KIF20B: variants seen among roughly 807,000 people sequenced by gnomAD.
KIF20B encodes the protein kinesin family member 20B.
Under a neutral mutation model 232.5 loss-of-function variants are expected in KIF20B, and 188 were observed. The observed-to-expected ratio is 0.81, with a 90% confidence interval of 0.72 to 0.91. The LOEUF (loss-of-function observed/expected upper bound fraction) is 0.91. KIF20B is among the 40% of genes least tolerant of loss of function. The probability of loss-of-function intolerance (pLI) is 0.00; values close to 1 mark genes in which losing one functional copy is unlikely to be tolerated. For synonymous variants in KIF20B, 712 were observed against 683.0 expected, an observed-to-expected ratio of 1.04 and a Z score of -0.66; for missense variants, 2,154 against 2,055.9, an observed-to-expected ratio of 1.05 and a Z score of -0.92.
chr10:89,709,347 C>T lies in KIF20B; in HGVS notation c.237C>T (p.Gly79=), dbSNP rs1466877139. Residue 79 remains glycine (G), a splice_region_variant and synonymous_variant, in exon 4 of 33, where the codon GGC becomes GGT. Coordinates refer to ENST00000371728, the MANE Select transcript of KIF20B (RefSeq NM_001284259.2). ...TTTATTGGGGGTATGTTTTCTAGGG[C>T]TGTGTGCATATTCTGGATTCACAGA... The part of the protein sequence containing the change: ...TQSEKELESE[G]CVHILDSQTV... The T allele has an allele frequency of 1.2e-6, 2 of 1,610,800 alleles. No homozygotes were observed. The highest frequency in any genetic ancestry group is 3.3e-5 in the Admixed American group (2 of 59,908).
chr10:89,751,609 C>T (rs148307047), intron 24 of KIF20B, 138 bp downstream of exon 24: 2 of 788,684 alleles, frequency 2.5e-6, no homozygotes, highest in African/African-American at 1.8e-5. Context: ...TTTGAATGTC[C>T]TATTACTTGT....
Position 89,709,127 on chromosome 10 carries a change from T to A in KIF20B, c.148-40T>A, listed in dbSNP as rs765498226. 3 of 1,408,186 alleles carry A rather than the reference T, an allele frequency of 2.1e-6. No individual in the cohort carries two copies. The African/African-American group carries it at 4.3e-5, about 20-fold the overall frequency. 87.2% of individuals were successfully genotyped at this position (1,408,186 alleles called of 1,614,324 possible). On this transcript the variant is annotated intron_variant, in intron 2 of 32. Coordinates refer to ENST00000371728, the MANE Select transcript of KIF20B (RefSeq NM_001284259.2). ...GAAAAATGGTCTCTGAAAAGCCGTA[T>A]CTTTCAAAAACACAATGTTTTTCTC...
chr10:89,726,171 T>C, intron 15 of KIF20B, 122 bp from the exon 16 acceptor site: 7 of 1,274,188 alleles, frequency 5.5e-6, no homozygotes, highest in Non-Finnish European at 7.1e-6. Flanking sequence ...ATATAATTTA[T>C]TTTAAAGAAT....
rs370367119 is a variant in KIF20B at position 89,705,485 on chromosome 10, T to C, written c.147+44T>C. The C allele has an allele frequency of 5.7e-6, 9 of 1,581,332 alleles. No individual in the cohort carries two copies. In the East Asian group the frequency reaches 6.8e-5, roughly 12 times the overall value. ...TTGTGTTGATTATCATGCCTCCTTCTAATGCAAGGGTTGGCAAACAATGGC... is the reference window on the plus strand; with the variant it reads ...TTGTGTTGATTATCATGCCTCCTTCCAATGCAAGGGTTGGCAAACAATGGC... On this transcript the variant is annotated intron_variant, in intron 2 of 32. Coordinates refer to ENST00000371728, the MANE Select transcript of KIF20B (RefSeq NM_001284259.2).
At chr10:89,750,416 C>A (rs1841998306) in intron 23 of KIF20B, among the ~76,000 whole-genome samples, 1 of 152,114 alleles carries the variant, frequency 6.6e-6, no homozygotes, top group South Asian at 2.1e-4. Context: ...TACTAGCACA[C>A]CTGAAAGCCT....
intron 19 of KIF20B, among the ~76,000 whole-genome samples, chr10:89,736,924 G>T (rs1374815481): frequency 6.6e-6 from 1 of 152,048 alleles, no homozygotes; most frequent in Non-Finnish European, 1.5e-5. Flanking sequence ...GAAAATTTAA[G>T]ATACTCCATT....
At chr10:89,708,201 A>G (rs1440532645) in intron 2 of KIF20B, among the ~76,000 whole-genome samples, 1 of 148,186 alleles carries the variant, frequency 6.7e-6, no homozygotes, top group Non-Finnish European at 1.5e-5. Context: ...TAAAGAGTTT[A>G]TGTACAATTT....
Position 89,743,864 on chromosome 10 carries a change from G to GA in KIF20B, c.3977dup (p.Lys1327GlufsTer24). ...TGAGGATTAAAATTAATGAACTGGA[G>GA]AAAAAGAAAAACCAGTGTTCTCAGG... On this transcript the variant is annotated frameshift_variant, in exon 22 of 33. Coordinates refer to ENST00000371728, the MANE Select transcript of KIF20B (RefSeq NM_001284259.2). LOFTEE classifies it high-confidence loss of function. The GA allele has an allele frequency of 6.3e-7, 1 of 1,582,068 alleles. No individual in the cohort carries two copies. The highest frequency in any genetic ancestry group is 8.6e-7 in the Non-Finnish European group (1 of 1,162,182).
At chr10:89,744,626 A>G (rs143067338) in intron 22 of KIF20B, among the ~76,000 whole-genome samples, 2,558 of 152,308 alleles carry the variant, frequency 0.017, 89 homozygotes, top group African/African-American at 0.058. Flanking sequence ...CCTTTTAAAA[A>G]TGATATTTAA....
chr10:89,757,275 GT>G (rs909519025), intron 26 of KIF20B, among the ~76,000 whole-genome samples: 1 of 151,588 alleles, frequency 6.6e-6, no homozygotes, highest in Non-Finnish European at 1.5e-5. Flanking sequence ...GTTGAAGATT[GT>G]TTCATTTGTT....
chr10:89,738,295 C>T lies in KIF20B; in HGVS notation c.3454C>T (p.Leu1152Phe). 7 of 1,611,696 alleles carry T rather than the reference C, an allele frequency of 4.3e-6. No homozygotes were observed. The highest frequency in any genetic ancestry group is 5.9e-6 in the Non-Finnish European group (7 of 1,179,256). The change falls in exon 20 of 33, where the codon CTT becomes TTT. Residue 1152 changes from leucine (L) to phenylalanine (F), a missense_variant. Leu to Phe is a conservative substitution (Grantham distance 22). Transcript: ENST00000371728. ...TGAAGGAAAGAGAGCGCTTTCAGAACTTACACAAGGTGTTACTTGCTATAA... is the reference window on the plus strand; with the variant it reads ...TGAAGGAAAGAGAGCGCTTTCAGAATTTACACAAGGTGTTACTTGCTATAA... ...VVEGKRALSE[L>F]TQGVTCYKAK...
At chr10:89,723,903 C>A in intron 13 of KIF20B, 61 bp from the exon 14 acceptor site, 2 of 1,222,712 alleles carry the variant, frequency 1.6e-6, no homozygotes, top group Non-Finnish European at 2.2e-6. Context: ...AACAGTTGGA[C>A]GGTATTTCTC....
In KIF20B at chr10:89,772,780, G is replaced by T; in HGVS notation, c.5334G>T (p.Arg1778=). The T allele has an allele frequency of 6.2e-7, 1 of 1,610,810 alleles. No individual in the cohort carries two copies. Among genetic ancestry groups the T allele is most frequent in the Non-Finnish European group, 8.5e-7 (1 of 1,178,112 alleles). Reference sequence around the variant, plus strand: ...TGTCTCAACCAAAACGAGCCAAACGGAAATTATACACAAGTGAAATTTCAT... The same window carrying T: ...TGTCTCAACCAAAACGAGCCAAACGTAAATTATACACAAGTGAAATTTCAT... The part of the protein sequence containing the change: ...ENVSQPKRAK[R]KLYTSEISSP... Residue 1778 remains arginine (R), a synonymous_variant, in exon 32 of 33, where the codon CGG becomes CGT. Coordinates refer to ENST00000371728, the MANE Select transcript of KIF20B (RefSeq NM_001284259.2).
intron 21 of KIF20B, among the ~76,000 whole-genome samples, chr10:89,741,561 A>G (rs1841795324): frequency 6.6e-6 from 1 of 152,210 alleles, no homozygotes; most frequent in African/African-American, 2.4e-5. Flanking sequence ...GAGTTGACAT[A>G]TTATCTTAAT....
At chr10:89,720,986 C>T (rs1843043835) in intron 13 of KIF20B, among the ~76,000 whole-genome samples, 1 of 152,156 alleles carries the variant, frequency 6.6e-6, no homozygotes, top group Non-Finnish European at 1.5e-5. Context: ...GGATTATAGG[C>T]ATGAGCCACC....
intron 24 of KIF20B, among the ~76,000 whole-genome samples, chr10:89,751,993 T>C (rs1842030526): frequency 6.6e-6 from 1 of 151,950 alleles, no homozygotes; most frequent in African/African-American, 2.4e-5. Context: ...GTACTTGTGC[T>C]TACTCAGCCT....
At chr10:89,711,272 C>T (rs759441762) in intron 6 of KIF20B, 127 bp downstream of exon 6, 6 of 519,252 alleles carry the variant, frequency 1.2e-5, no homozygotes, top group South Asian at 1.2e-4. Flanking sequence ...TTTATGTTTT[C>T]GAGAAAAATA....
chr10:89,713,507 G>A (rs532786454), intron 6 of KIF20B, among the ~76,000 whole-genome samples: 2 of 152,220 alleles, frequency 1.3e-5, no homozygotes, highest in South Asian at 2.1e-4. Flanking sequence ...GCAATAGTGT[G>A]TTAAGAGTGA....
intron 1 of KIF20B, among the ~76,000 whole-genome samples, 197 bp downstream of exon 1, chr10:89,701,877 T>C (rs1842617431): frequency 6.6e-6 from 1 of 152,174 alleles, no homozygotes; most frequent in South Asian, 2.1e-4. Flanking sequence ...GTCATACTAA[T>C]TCGGTTACGG....
Sources: allele counts gnomAD v4.1 joint callset (sites outside exome capture counted in the v4.1 genomes callset), GRCh38; gene constraint gnomAD v4.1.1; transcripts MANE v1.5; gene names NCBI Gene and HGNC (gene_info 2026-07-23, HGNC 2026-07-21).